The following SLIT2 variants were observed in gnomAD, a reference collection of about 807,000 sequenced individuals.
The protein encoded by SLIT2 is slit guidance ligand 2, also known as slit homolog 2 protein.
In SLIT2, 41 loss-of-function variants were observed where a neutral mutation model predicts 185.7. The ratio of observed to expected loss-of-function variants is 0.22; its 90% CI spans 0.17 to 0.29. SLIT2 has a LOEUF of 0.29. Ranked by LOEUF, SLIT2 falls within the 10% of genes least tolerant of loss-of-function variation. The pLI, the probability that SLIT2 is intolerant of heterozygous loss-of-function variation, is 1.00. For missense variants in SLIT2, 1,571 were observed against 1,909.0 expected (o/e 0.82, Z 3.30); for synonymous variants, 693 against 680.2 (o/e 1.02, Z -0.29).
intron 29 of SLIT2, among the ~76,000 whole-genome samples, chr4:20,588,554 A>G (rs1727257093): frequency 6.6e-6 from 1 of 152,232 alleles, no homozygotes; most frequent in East Asian, 1.9e-4. Context: ...TGCATATAAA[A>G]CAATTCAAAA....
At chr4:20,259,036 C>T (rs1577332321) in intron 3 of SLIT2, among the ~76,000 whole-genome samples, 1 of 151,514 alleles carries the variant, frequency 6.6e-6, no homozygotes, top group African/African-American at 2.4e-5. Flanking sequence ...TCAAGTAAAA[C>T]ACAGAAATGT....
chr4:20,376,948 C>T (rs1724071106), intron 4 of SLIT2, among the ~76,000 whole-genome samples: 1 of 151,942 alleles, frequency 6.6e-6, no homozygotes, highest in Non-Finnish European at 1.5e-5. Context: ...GTGCAGCAAA[C>T]CAACATGGCA....
rs1458415789 is a variant in SLIT2 at position 20,519,818 on chromosome 4, G to A, written c.1130+365G>A. Among the ~76,000 whole-genome samples the A allele has an allele frequency of 2.6e-5, 4 of 151,768 alleles. No individual in the cohort carries two copies. In the East Asian group the frequency reaches 7.8e-4, roughly 29 times the overall value. On this transcript the variant is annotated intron_variant, in intron 12 of 36. Transcript: ENST00000504154. ...GAGGCCGAGGCAGGTGGATCACGAG[G>A]TCAGGAGATCCAGACCATCCTGGCT...
chr4:20,293,180 A>G (rs1716136270), intron 4 of SLIT2, among the ~76,000 whole-genome samples: 1 of 152,254 alleles, frequency 6.6e-6, no homozygotes, highest in African/African-American at 2.4e-5. Flanking sequence ...AAGTCCATTC[A>G]AGCTGTTTTA....
intron 30 of SLIT2, among the ~76,000 whole-genome samples, chr4:20,590,198 C>T (rs1459027917): frequency 2.0e-5 from 3 of 152,170 alleles, no homozygotes; most frequent in Non-Finnish European, 4.4e-5. Context: ...AGCCACCGCG[C>T]CCAGCCCCAG....
At chr4:20,541,734 T>G (rs1722814386) in intron 20 of SLIT2, 115 bp downstream of exon 20, 5 of 967,788 alleles carry the variant, frequency 5.2e-6, no homozygotes, top group Non-Finnish European at 6.2e-6. Context: ...GTGTATCTTT[T>G]GCTTTGTCGT....
chr4:20,307,231 TTTCCTTCCTTCCTTCCTTCC>T (rs71181557), intron 4 of SLIT2, among the ~76,000 whole-genome samples: 2 of 57,768 alleles, frequency 3.5e-5, no homozygotes, highest in African/African-American at 1.4e-4. Flanking sequence ...CTCTATTTCT[TTTCCTTCCTTCCTTCCTTCC>T]TTCCTTCCTT....
intron 4 of SLIT2, among the ~76,000 whole-genome samples, chr4:20,407,920 TAAAAC>T (rs1726899056): frequency 1.3e-5 from 2 of 152,124 alleles, no homozygotes; most frequent in East Asian, 3.9e-4. Flanking sequence ...AAAGCAAAAA[TAAAAC>T]AAAACACTTT....
intron 6 of SLIT2, among the ~76,000 whole-genome samples, chr4:20,481,548 C>T (rs1716701292): frequency 6.6e-6 from 1 of 152,166 alleles, no homozygotes; most frequent in South Asian, 2.1e-4. Flanking sequence ...AATTCCTCCA[C>T]CAATTAAAAT....
chr4:20,475,632 C>T (rs894748406), intron 5 of SLIT2, among the ~76,000 whole-genome samples: 6 of 151,988 alleles, frequency 3.9e-5, no homozygotes, highest in African/African-American at 1.4e-4. Context: ...ATTTCTCCTT[C>T]CCAAGTTATC....
chr4:20,428,717 T>G (rs1728743817), intron 4 of SLIT2, among the ~76,000 whole-genome samples: 1 of 152,220 alleles, frequency 6.6e-6, no homozygotes. Context: ...GTTCCTGGCC[T>G]GACTTCTGTA....
intron 4 of SLIT2, among the ~76,000 whole-genome samples, chr4:20,332,349 A>G (rs938703070): frequency 2.6e-5 from 4 of 152,192 alleles, no homozygotes; most frequent in Non-Finnish European, 5.9e-5. Flanking sequence ...CACCAGGATC[A>G]TGAGCCAGTT....
At position 20,553,913 on chromosome 4, in the gene SLIT2, A is replaced by G; in HGVS notation, c.2670A>G (p.Gly890=). Residue 890 remains glycine (G), a synonymous_variant, in exon 26 of 37, where the codon GGA becomes GGG. Coordinates refer to ENST00000504154, the MANE Select transcript of SLIT2 (RefSeq NM_004787.4). The stretch of plus-strand genomic sequence containing the variant: ...GAATTGCTCGTTGTGCTGGTCCTGG[A>G]GAAATGGCAGATAAACTTTTACTCA... ...EPGIARCAGP[G]EMADKLLLTT... is the part of the protein sequence containing the mutation. The G allele has an allele frequency of 6.2e-7, 1 of 1,611,640 alleles. No homozygotes were observed. Among genetic ancestry groups the G allele is most frequent in the South Asian group, 1.1e-5 (1 of 90,448 alleles).
intron 4 of SLIT2, among the ~76,000 whole-genome samples, chr4:20,429,910 C>T (rs1441170168): frequency 6.6e-6 from 1 of 152,152 alleles, no homozygotes. Flanking sequence ...TGGCAGAGGA[C>T]ATCAGTGGAG....
At chr4:20,335,164 A>G (rs1720391856) in intron 4 of SLIT2, among the ~76,000 whole-genome samples, 1 of 152,142 alleles carries the variant, frequency 6.6e-6, no homozygotes, top group African/African-American at 2.4e-5. Flanking sequence ...TTTGGGAGCT[A>G]CAATTCAAGA....
intron 3 of SLIT2, 52 bp downstream of exon 3, chr4:20,257,991 A>T (rs774431880): frequency 1.1e-6 from 1 of 884,714 alleles, no homozygotes; most frequent in South Asian, 1.6e-5. Context: ...TTTTTTAAAA[A>T]TACTTAAATT....
chr4:20,526,461 A>G (rs1721307260), intron 15 of SLIT2, among the ~76,000 whole-genome samples: 1 of 152,208 alleles, frequency 6.6e-6, no homozygotes, highest in Non-Finnish European at 1.5e-5. Flanking sequence ...TATTCTAAAC[A>G]CCAGACTACC....
chr4:20,521,131 C>T (rs16869701), intron 12 of SLIT2, among the ~76,000 whole-genome samples: 3 of 152,148 alleles, frequency 2.0e-5, no homozygotes, highest in Non-Finnish European at 2.9e-5. Flanking sequence ...ACTACAAATA[C>T]GTGAAGTGTC....
chr4:20,280,748 G>T (rs1196724002), intron 4 of SLIT2, among the ~76,000 whole-genome samples: 1 of 151,872 alleles, frequency 6.6e-6, no homozygotes, highest in East Asian at 1.9e-4. Context: ...TAAGTGATTT[G>T]AGATTATTCT....
Sources: allele counts gnomAD v4.1 joint callset (sites outside exome capture counted in the v4.1 genomes callset), GRCh38; gene constraint gnomAD v4.1.1; transcripts MANE v1.5; gene names NCBI Gene and HGNC (gene_info 2026-07-23, HGNC 2026-07-21).